Variants in STXBP5L observed in about 807,000 individuals in gnomAD.
The protein encoded by STXBP5L is syntaxin-binding protein 5-like.
STXBP5L carries 65 observed loss-of-function variants against 144.5 expected under a neutral mutation model. The observed-to-expected ratio is 0.45, with a 90% CI of 0.37 to 0.55. STXBP5L has a LOEUF of 0.55. Ranked by LOEUF, STXBP5L falls within the 20% of genes least tolerant of loss-of-function variation. The pLI, the probability that STXBP5L is intolerant of heterozygous loss-of-function variation, is 0.00. For missense variants in STXBP5L, 1,298 were observed against 1,405.5 expected, an observed-to-expected ratio of 0.92 and a Z score of 1.22; for synonymous variants, 505 against 469.6, an observed-to-expected ratio of 1.08 and a Z score of -0.97.
chr3:121,269,695 A>G (rs2050680762), intron 18 of STXBP5L, among the ~76,000 whole-genome samples: 1 of 152,154 alleles, frequency 6.6e-6, no homozygotes, highest in African/African-American at 2.4e-5. Context: ...AACATAAGCA[A>G]ATATTCTCTG....
intron 7 of STXBP5L, among the ~76,000 whole-genome samples, chr3:121,132,032 G>C (rs527824407): frequency 6.6e-6 from 1 of 152,272 alleles, no homozygotes; most frequent in South Asian, 2.1e-4. Flanking sequence ...TAAGAACTTT[G>C]TTCATGTGTT....
At chr3:121,037,080 T>A (rs1171041573) in intron 3 of STXBP5L, among the ~76,000 whole-genome samples, 4 of 151,890 alleles carry the variant, frequency 2.6e-5, no homozygotes, top group Non-Finnish European at 4.4e-5. Flanking sequence ...GCACACATTA[T>A]CATGCACAGC....
At position 121,226,498 on chromosome 3, in the gene STXBP5L, T is replaced by C. The variant is rs188288941; in HGVS notation, c.1111+3341T>C. The stretch of plus-strand genomic sequence containing the variant: ...CTTCTTTGAGACAAGGAGACTATAG[T>C]ATCCTATGGGTACGGTTTGTGTCCA... On this transcript the variant is annotated intron_variant, in intron 11 of 26. Transcript: ENST00000471454. Among the ~76,000 whole-genome samples, 48 of 152,274 alleles carry C rather than the reference T, an allele frequency of 3.2e-4. 1 individual carries two copies. The highest frequency in any genetic ancestry group is 2.8e-3 in the Admixed American group (43 of 15,282).
Position 120,992,954 on chromosome 3 carries a change from C to T in STXBP5L, c.287+37917C>T, listed in dbSNP as rs114530316. Among the ~76,000 whole-genome samples the T allele has an allele frequency of 5.9e-3, 904 of 152,190 alleles. 8 individuals carry two copies. The highest frequency in any genetic ancestry group is 0.02 in the African/African-American group (833 of 41,534). ...AGAGTTCCTTTTCTCCACATCCTTG[C>T]CAGTATCTGCTATTTTTGTCTTTTT... On this transcript the variant is annotated intron_variant, in intron 3 of 26. Transcript: ENST00000471454.
intron 6 of STXBP5L, 73 bp from the exon 7 acceptor site, chr3:121,121,568 C>T: frequency 9.3e-7 from 1 of 1,074,776 alleles, no homozygotes; most frequent in South Asian, 1.5e-5. Context: ...ATCTTAATTT[C>T]TTTGTTTCAG....
At chr3:121,309,795 C>A (rs747528670) in intron 19 of STXBP5L, among the ~76,000 whole-genome samples, 1 of 152,042 alleles carries the variant, frequency 6.6e-6, no homozygotes, top group Non-Finnish European at 1.5e-5. Flanking sequence ...ATAAAAAAAT[C>A]TAACATATTA....
At chr3:121,234,381 A>T (rs1415210987) in intron 12 of STXBP5L, among the ~76,000 whole-genome samples, 1 of 152,084 alleles carries the variant, frequency 6.6e-6, no homozygotes, top group African/African-American at 2.4e-5. Context: ...TATCTGTAAG[A>T]TTCTCAAGTC....
At chr3:121,185,076 G>A (rs2047319245) in intron 9 of STXBP5L, among the ~76,000 whole-genome samples, 1 of 152,092 alleles carries the variant, frequency 6.6e-6, no homozygotes. Context: ...ACATGGAAAG[G>A]AAAAACCACT....
chr3:121,189,025 G>T (rs976989817), intron 9 of STXBP5L, among the ~76,000 whole-genome samples: 8 of 152,192 alleles, frequency 5.3e-5, no homozygotes, highest in African/African-American at 1.9e-4. Flanking sequence ...AATTGTCCCA[G>T]TTTGCAGATG....
intron 3 of STXBP5L, among the ~76,000 whole-genome samples, chr3:120,970,626 A>G (rs982901186): frequency 3.3e-5 from 5 of 152,120 alleles, no homozygotes; most frequent in African/African-American, 1.2e-4. Context: ...ACTGATTATG[A>G]TATGCCTTAG....
intron 9 of STXBP5L, among the ~76,000 whole-genome samples, chr3:121,203,330 A>C (rs916780442): frequency 3.9e-5 from 6 of 152,112 alleles, no homozygotes; most frequent in Admixed American, 3.9e-4. Flanking sequence ...CTTTTAATCT[A>C]GTCAAATTGG....
intron 3 of STXBP5L, among the ~76,000 whole-genome samples, chr3:120,968,892 T>C (rs1227723408): frequency 6.6e-6 from 1 of 152,170 alleles, no homozygotes; most frequent in Non-Finnish European, 1.5e-5. Flanking sequence ...TTCCTTTTTA[T>C]GGCTGAGTAG....
chr3:121,364,783 T>C (rs185173084), intron 20 of STXBP5L, among the ~76,000 whole-genome samples: 2 of 152,156 alleles, frequency 1.3e-5, no homozygotes, highest in African/African-American at 4.8e-5. Flanking sequence ...CTTTTATGTG[T>C]TGACTTTATA....
intron 19 of STXBP5L, among the ~76,000 whole-genome samples, chr3:121,313,899 C>T (rs997247345): frequency 2.2e-4 from 32 of 144,920 alleles, no homozygotes; most frequent in African/African-American, 5.7e-4. Flanking sequence ...CGGGCAGAGA[C>T]GCTCCTCACC....
At chr3:120,933,337 T>C (rs1470036897) in intron 2 of STXBP5L, among the ~76,000 whole-genome samples, 1 of 152,192 alleles carries the variant, frequency 6.6e-6, no homozygotes, top group African/African-American at 2.4e-5. Flanking sequence ...GACGCAGTTA[T>C]TTTAACTGTA....
rs1186569644 is a variant in STXBP5L, at chr3:121,405,517, G to A, written c.2588-1726G>A. ...TGTATGTATTGATTGAATGAAGGTT[G>A]TAGTCGGCAAGGCTGGTGATTTGGG... On this transcript the variant is annotated intron_variant, in intron 22 of 26. Coordinates refer to ENST00000471454, the MANE Select transcript of STXBP5L (RefSeq NM_001308330.2). Among the ~76,000 whole-genome samples the A allele has an allele frequency of 5.3e-5, 8 of 152,214 alleles. No individual in the cohort carries two copies. In the East Asian group the frequency reaches 1.5e-3, roughly 29 times the overall value.
chr3:121,346,685 C>A (rs1386787221), intron 20 of STXBP5L, among the ~76,000 whole-genome samples: 1 of 152,142 alleles, frequency 6.6e-6, no homozygotes, highest in Non-Finnish European at 1.5e-5. Flanking sequence ...TTTTGATTTG[C>A]ATTGCTCTGA....
intron 4 of STXBP5L, among the ~76,000 whole-genome samples, chr3:121,044,690 A>T (rs889660326): frequency 6.6e-6 from 1 of 152,162 alleles, no homozygotes; most frequent in Non-Finnish European, 1.5e-5. Context: ...TAACCCAGTC[A>T]AATAAATAGT....
At chr3:121,059,416 A>G (rs1948670157) in intron 5 of STXBP5L, among the ~76,000 whole-genome samples, 1 of 152,132 alleles carries the variant, frequency 6.6e-6, no homozygotes, top group Admixed American at 6.6e-5. Flanking sequence ...TGGTGCCTCC[A>G]GCTTTGTTCT....
Sources: allele counts gnomAD v4.1 joint callset (sites outside exome capture counted in the v4.1 genomes callset), GRCh38; gene constraint gnomAD v4.1.1; transcripts MANE v1.5; gene names NCBI Gene and HGNC (gene_info 2026-07-23, HGNC 2026-07-21).